Variants in FRY observed in about 807,000 individuals in gnomAD.
FRY encodes the protein protein furry homolog.
In FRY, 128 loss-of-function variants were observed where a neutral mutation model predicts 348.4. The ratio of observed to expected loss-of-function variants is 0.37; its 90% CI spans 0.32 to 0.43. The LOEUF (loss-of-function observed/expected upper bound fraction) is 0.43, where lower values mean the gene tolerates loss of function less well. Among genes scored for constraint, FRY ranks in the 20% least tolerant of loss-of-function variants. The probability of loss-of-function intolerance (pLI) is 1.00; values close to 1 mark genes in which losing one functional copy is unlikely to be tolerated. For missense variants in FRY, 2,736 were observed against 3,695.2 expected (o/e 0.74, Z 6.73); for synonymous variants, 1,370 against 1,374.7 (o/e 1.00, Z 0.08).
At chr13:32,121,008 C>T (rs1025029424) in intron 4 of FRY, among the ~76,000 whole-genome samples, 1 of 152,204 alleles carries the variant, frequency 6.6e-6, no homozygotes, top group Non-Finnish European at 1.5e-5. Context: ...TTAGCTCCCA[C>T]ATATCAATAG....
chr13:32,044,937 C>T (rs1019651616), intron 1 of FRY, among the ~76,000 whole-genome samples: 3 of 152,130 alleles, frequency 2.0e-5, no homozygotes, highest in Middle Eastern at 3.2e-3. Flanking sequence ...CTATATAAAT[C>T]AATAATTGCA....
At chr13:32,260,504 A>C (rs1399475729) in intron 51 of FRY, among the ~76,000 whole-genome samples, 2 of 152,250 alleles carry the variant, frequency 1.3e-5, no homozygotes, top group Non-Finnish European at 2.9e-5. Flanking sequence ...GAAAGTCTGA[A>C]TGCAACTAAA....
Position 32,131,859 on chromosome 13 carries a change from G to T in FRY, c.885+19G>T. The T allele has an allele frequency of 6.2e-7, 1 of 1,600,560 alleles. No individual in the cohort carries two copies. Among genetic ancestry groups the T allele is most frequent in the East Asian group, 2.2e-5 (1 of 44,800 alleles). On this transcript the variant is annotated intron_variant, in intron 8 of 60. Transcript: ENST00000542859. ...TATGCAGGTAATGTCTTAGGCAGGA[G>T]AGCTAAGGTGCTCTCAACTTGAGCA...
chr13:32,256,297 G>C (rs917067785), intron 51 of FRY, among the ~76,000 whole-genome samples: 8 of 152,106 alleles, frequency 5.3e-5, no homozygotes, highest in African/African-American at 1.7e-4. Flanking sequence ...ACTCTTGGAG[G>C]CTGAGGCATC....
chr13:32,277,328 A>G (rs1251435593), intron 57 of FRY, among the ~76,000 whole-genome samples: 1 of 152,234 alleles, frequency 6.6e-6, no homozygotes, highest in Non-Finnish European at 1.5e-5. Flanking sequence ...AGCCCTTGGT[A>G]ATAATAACTA....
chr13:32,074,464 C>G (rs1297899913), intron 1 of FRY, among the ~76,000 whole-genome samples: 1 of 152,066 alleles, frequency 6.6e-6, no homozygotes, highest in Non-Finnish European at 1.5e-5. Flanking sequence ...CACACCAGCC[C>G]CCACCACAGG....
chr13:32,283,994 C>G (rs1011274376), intron 58 of FRY, among the ~76,000 whole-genome samples: 1 of 152,220 alleles, frequency 6.6e-6, no homozygotes, highest in Non-Finnish European at 1.5e-5. Context: ...GGAACAAAGT[C>G]TGCAGACCTC....
chr13:32,136,875 T>C lies in FRY; in HGVS notation c.1082T>C (p.Leu361Ser). ...LSSRKKHSLA[L>S]YPLVTCLLCV... ...CCTCCTCTCCTTTCTCCTCAGGCCTTGTACCCCCTGGTGACCTGTTTGCTC... is the reference window on the plus strand; with the variant it reads ...CCTCCTCTCCTTTCTCCTCAGGCCTCGTACCCCCTGGTGACCTGTTTGCTC... Residue 361 changes from leucine (L) to serine (S), a missense_variant, in exon 11 of 61, where the codon TTG becomes TCG. This residue lies in a region of FRY where 191 missense variants were observed against 370.2 expected (regional missense o/e 0.52). Transcript: ENST00000542859. 1.3e-6 allele frequency: 2 copies of C among 1,573,102 alleles called. No homozygotes were observed. Among genetic ancestry groups the C allele is most frequent in the Non-Finnish European group, 1.8e-6 (2 of 1,142,552 alleles).
At chr13:32,243,288 T>G (rs1472388431) in intron 46 of FRY, among the ~76,000 whole-genome samples, 1 of 152,060 alleles carries the variant, frequency 6.6e-6, no homozygotes, top group Non-Finnish European at 1.5e-5. Flanking sequence ...CAGTTTGCTG[T>G]TAACTTATAT....
At chr13:32,227,833 A>G (rs1005149908) in intron 39 of FRY, among the ~76,000 whole-genome samples, 1 of 150,658 alleles carries the variant, frequency 6.6e-6, no homozygotes, top group Non-Finnish European at 1.5e-5. Flanking sequence ...CTCACTGCAA[A>G]CTCCACCCAC....
intron 38 of FRY, 34 bp downstream of exon 38, chr13:32,225,070 C>T (rs1028176545): frequency 4.2e-6 from 5 of 1,202,770 alleles, no homozygotes; most frequent in Non-Finnish European, 5.0e-6. Flanking sequence ...TCTAGCCAAT[C>T]GGGTTAAAAA....
intron 7 of FRY, among the ~76,000 whole-genome samples, chr13:32,131,019 T>C (rs952718189): frequency 6.6e-6 from 1 of 152,196 alleles, no homozygotes; most frequent in Non-Finnish European, 1.5e-5. Flanking sequence ...CTTCATCATA[T>C]TGGTCAGGCT....
intron 13 of FRY, 94 bp from the exon 14 acceptor site, chr13:32,149,654 C>G: frequency 1.3e-6 from 1 of 754,904 alleles, no homozygotes; most frequent in Non-Finnish European, 2.4e-6. Flanking sequence ...TTTTAGCCAC[C>G]ACCTGTTCGC....
intron 1 of FRY, among the ~76,000 whole-genome samples, chr13:32,072,194 A>AGGAAT (rs1254963519): frequency 2.6e-5 from 4 of 152,360 alleles, no homozygotes; most frequent in African/African-American, 9.6e-5. Context: ...AAGTGAAAGG[A>AGGAAT]GGAATGTATA....
chr13:32,114,650 A>T (rs1878186191), intron 3 of FRY, among the ~76,000 whole-genome samples: 1 of 152,164 alleles, frequency 6.6e-6, no homozygotes, highest in South Asian at 2.1e-4. Context: ...AAATTTCGTT[A>T]CCTATGTAAT....
Position 32,237,854 on chromosome 13 carries a change from G to A in FRY, c.6286G>A (p.Asp2096Asn), listed in dbSNP as rs777253591. ...EKLQAQLKWA[D>N]FSGLQQLLLK... ...ACTCCAGGCACAGCTGAAGTGGGCC[G>A]ACTTCTCCGGGCTGCAGCAGCTGCT... The change falls in exon 44 of 61, where the codon GAC (aspartate) becomes AAC (asparagine). Residue 2096 changes from aspartate (D) to asparagine (N), a missense_variant. This residue lies in a region of FRY where 789 missense variants were observed against 996.2 expected (regional missense o/e 0.79). Coordinates refer to ENST00000542859, the MANE Select transcript of FRY (RefSeq NM_023037.3). This position sits in a 1 kb window ranked among gnomAD's most constrained non-coding sequence, Gnocchi z 6.3. 9 of 1,613,994 alleles carry A rather than the reference G, an allele frequency of 5.6e-6. No individual in the cohort carries two copies. The highest frequency in any genetic ancestry group is 3.3e-5 in the Admixed American group (2 of 60,000).
intron 34 of FRY, 111 bp downstream of exon 34, chr13:32,211,145 T>G: frequency 2.0e-6 from 2 of 1,019,538 alleles, no homozygotes; most frequent in Non-Finnish European, 1.5e-6. Context: ...TATTCCTGTG[T>G]GTGCATTCAG....
chr13:32,252,033 T>A, intron 50 of FRY, 81 bp downstream of exon 50: 1 of 948,906 alleles, frequency 1.1e-6, no homozygotes, highest in Non-Finnish European at 1.7e-6. Flanking sequence ...GGTCATATAA[T>A]TTAGAGGATT....
Position 32,170,882 on chromosome 13 carries a change from C to G in FRY, c.1893-130C>G, listed in dbSNP as rs1882018814. The G allele has an allele frequency of 4.0e-6, 3 of 745,440 alleles. No homozygotes were observed. The South Asian group carries it at 4.9e-5, about 12-fold the overall frequency. The allele number at this position is 745,440 out of a possible 1,614,324, so 46.2% of individuals were successfully genotyped here. A position where few individuals can be genotyped will look rare whatever the true frequency, so the allele number is the denominator to read the frequency against. The stretch of plus-strand genomic sequence containing the variant: ...GTATTTATGTAAGTCATTTACTAAG[C>G]AAAAAATAAGGGAGACCCATTTTCA... On this transcript the variant is annotated intron_variant, in intron 17 of 60. Coordinates refer to ENST00000542859, the MANE Select transcript of FRY (RefSeq NM_023037.3).
Sources: allele counts gnomAD v4.1 joint callset (sites outside exome capture counted in the v4.1 genomes callset), GRCh38; gene constraint gnomAD v4.1.1; regional missense constraint gnomAD v4.1.1; non-coding constraint Gnocchi (gnomAD v3.1); transcripts MANE v1.5; gene names NCBI Gene and HGNC (gene_info 2026-07-23, HGNC 2026-07-21).